The following RNF13 variants were observed in gnomAD, a reference collection of about 807,000 sequenced individuals.
RNF13 encodes the protein ring finger protein 13, also known as E3 ubiquitin-protein ligase RNF13.
Under a neutral mutation model 37.7 loss-of-function variants are expected in RNF13, and 19 were observed. That is an observed-to-expected ratio of 0.50 (90% CI 0.35 to 0.74). The LOEUF is 0.74. Among genes scored for constraint, RNF13 ranks in the 30% least tolerant of loss-of-function variants. The pLI, the probability that RNF13 is intolerant of heterozygous loss-of-function variation, is 0.01. For synonymous variants in RNF13, 144 were observed against 157.8 expected (o/e 0.91, Z 0.65); for missense variants, 375 against 453.0 (o/e 0.83, Z 1.56).
chr3:149,835,659 G>GTGTGTA (rs1721531845), intron 1 of RNF13, among the ~76,000 whole-genome samples: 1 of 151,020 alleles, frequency 6.6e-6, no homozygotes, highest in Non-Finnish European at 1.5e-5. Flanking sequence ...GTGTGTGTGT[G>GTGTGTA]TGTGTGTTTG....
intron 1 of RNF13, among the ~76,000 whole-genome samples, chr3:149,829,809 C>T (rs1461204659): frequency 3.3e-5 from 5 of 152,190 alleles, no homozygotes; most frequent in Admixed American, 6.5e-5. Context: ...AATCACATTT[C>T]GAATTATAGC....
rs528008373 is a variant in RNF13 at position 149,897,059 on chromosome 3, T to G, written c.409+1499T>G. On this transcript the variant is annotated intron_variant, in intron 5 of 9. Transcript: ENST00000392894. ...TTAGTACTGCCAATTTGACACATTTTACTTCTCCTTTAACTATTTCCCTCT... is the reference window on the plus strand; with the variant it reads ...TTAGTACTGCCAATTTGACACATTTGACTTCTCCTTTAACTATTTCCCTCT... 2.0e-5 allele frequency among the ~76,000 whole-genome samples: 3 copies of G among 152,302 alleles called. No individual in the cohort carries two copies. The South Asian group carries it at 6.2e-4, about 32-fold the overall frequency.
At chr3:149,903,525 A>G (rs1716065214) in intron 6 of RNF13, among the ~76,000 whole-genome samples, 1 of 152,062 alleles carries the variant, frequency 6.6e-6, no homozygotes, top group Non-Finnish European at 1.5e-5. Flanking sequence ...ATATTTGCTT[A>G]TTCACCTTAA....
chr3:149,852,028 G>C (rs1318902630), intron 2 of RNF13, among the ~76,000 whole-genome samples: 1 of 152,082 alleles, frequency 6.6e-6, no homozygotes, highest in Non-Finnish European at 1.5e-5. Flanking sequence ...GTTCAACCCT[G>C]GATAAAAATG....
intron 8 of RNF13, chr3:149,939,576 T>TA: frequency 1.7e-6 from 1 of 600,488 alleles, no homozygotes; most frequent in South Asian, 1.4e-5. Context: ...TTGCCAGTGT[T>TA]ACTTTAATCG....
intron 7 of RNF13, chr3:149,917,235 C>G (rs914596045): frequency 3.3e-5 from 5 of 152,188 alleles, no homozygotes; most frequent in African/African-American, 1.2e-4. Flanking sequence ...GATGTTCATT[C>G]AGCTCCTCCA....
chr3:149,858,194 C>T (rs976648076), intron 3 of RNF13, among the ~76,000 whole-genome samples: 1 of 152,166 alleles, frequency 6.6e-6, no homozygotes. Context: ...CCTGCACAAC[C>T]ATGAGCTAAA....
intron 3 of RNF13, among the ~76,000 whole-genome samples, chr3:149,866,225 A>G (rs1724807144): frequency 6.6e-6 from 1 of 152,182 alleles, no homozygotes; most frequent in African/African-American, 2.4e-5. Flanking sequence ...TTTATTAAGA[A>G]AGTAAAGGAA....
intron 8 of RNF13, among the ~76,000 whole-genome samples, chr3:149,937,854 C>G (rs1294872055): frequency 6.6e-6 from 1 of 151,946 alleles, no homozygotes; most frequent in Non-Finnish European, 1.5e-5. Context: ...TGTGGTCTCT[C>G]CGTGGATGAA....
chr3:149,868,133 T>C (rs1339215369), intron 3 of RNF13, among the ~76,000 whole-genome samples: 4 of 151,966 alleles, frequency 2.6e-5, no homozygotes, highest in East Asian at 1.9e-4. Flanking sequence ...TACCTATCTC[T>C]TACTATGTTG....
chr3:149,952,038 CTCT>C (rs1487916040), intron 8 of RNF13, among the ~76,000 whole-genome samples: 1 of 152,142 alleles, frequency 6.6e-6, no homozygotes, highest in African/African-American at 2.4e-5. Context: ...TTTCCTTCTC[CTCT>C]TCAACTCACT....
At chr3:149,946,439 A>C (rs78999121) in intron 8 of RNF13, among the ~76,000 whole-genome samples, 1 of 152,198 alleles carries the variant, frequency 6.6e-6, no homozygotes, top group African/African-American at 2.4e-5. Context: ...CAGTGAATCT[A>C]TCTGGTCCTG....
chr3:149,905,680 A>C (rs901230097), intron 6 of RNF13, among the ~76,000 whole-genome samples: 1 of 151,950 alleles, frequency 6.6e-6, no homozygotes, highest in East Asian at 1.9e-4. Flanking sequence ...TTTTGTTTTT[A>C]ATATTAAATC....
intron 8 of RNF13, among the ~76,000 whole-genome samples, chr3:149,928,054 T>TAAATGGAA (rs1308556386): frequency 7.4e-6 from 1 of 135,940 alleles, no homozygotes; most frequent in Non-Finnish European, 1.5e-5. Flanking sequence ...AAGACCTCAA[T>TAAATGGAA]AAATGGAAAA....
At chr3:149,951,489 TGA>T (rs1296116048) in intron 8 of RNF13, among the ~76,000 whole-genome samples, 3 of 152,186 alleles carry the variant, frequency 2.0e-5, no homozygotes, top group Non-Finnish European at 4.4e-5. Context: ...TGAAGGAAAC[TGA>T]GAGAGTTGGT....
At position 149,929,454 on chromosome 3, in the gene RNF13, A is replaced by G. The variant is rs1718964455; in HGVS notation, c.700+8227A>G. Among the ~76,000 whole-genome samples the G allele has an allele frequency of 2.0e-5, 3 of 152,230 alleles. No individual in the cohort carries two copies. The South Asian group carries it at 6.2e-4, about 32-fold the overall frequency. ...TCAAGATGAGATTTTGGGTGGAGAC[A>G]CAGCCAAACCATATCACAGATCATG... On this transcript the variant is annotated intron_variant, in intron 8 of 9. Coordinates refer to ENST00000392894, the MANE Select transcript of RNF13 (RefSeq NM_183381.3).
At chr3:149,949,631 C>A (rs1011115901) in intron 8 of RNF13, among the ~76,000 whole-genome samples, 1 of 151,882 alleles carries the variant, frequency 6.6e-6, no homozygotes, top group African/African-American at 2.4e-5. Flanking sequence ...TCCTCTACCC[C>A]TTTCTTTCTT....
intron 6 of RNF13, among the ~76,000 whole-genome samples, chr3:149,909,768 G>A (rs1222195561): frequency 5.9e-5 from 9 of 152,052 alleles, no homozygotes; most frequent in South Asian, 4.2e-4. Context: ...CATTTCTGCC[G>A]TTACAAACAC....
intron 8 of RNF13, among the ~76,000 whole-genome samples, chr3:149,945,436 G>T (rs1720673722): frequency 6.6e-6 from 1 of 152,182 alleles, no homozygotes; most frequent in South Asian, 2.1e-4. Context: ...GAACTGGGTG[G>T]AGCCCACCAC....
Sources: gnomAD v4.1 joint callset for allele counts (sites outside exome capture counted in the v4.1 genomes callset) on GRCh38, gnomAD v4.1.1 for gene constraint, MANE v1.5 for transcripts, NCBI Gene and HGNC (gene_info 2026-07-23, HGNC 2026-07-21) for gene names.